CCDC102B: variants seen among roughly 807,000 people sequenced by gnomAD.
CCDC102B encodes coiled-coil domain-containing protein 102B.
In CCDC102B, 75 loss-of-function variants were observed where a neutral mutation model predicts 57.4. The observed-to-expected ratio is 1.31, with a 90% CI of 1.08 to 1.58. The LOEUF is 1.58. Among genes scored for constraint, CCDC102B ranks in the 40% most tolerant of loss-of-function variants. CCDC102B has a pLI of 0.00. For missense variants in CCDC102B, 636 were observed against 582.6 expected (o/e 1.09, Z -0.94); for synonymous variants, 206 against 201.9 (o/e 1.02, Z -0.17).
intron 2 of CCDC102B, among the ~76,000 whole-genome samples, chr18:68,768,953 A>G (rs1425656831): frequency 2.0e-5 from 3 of 152,064 alleles, no homozygotes; most frequent in African/African-American, 7.2e-5. Flanking sequence ...GGAAGGTGAA[A>G]TGTAAAGATG....
intron 6 of CCDC102B, among the ~76,000 whole-genome samples, chr18:68,915,952 A>C (rs1403951659): frequency 6.6e-6 from 1 of 152,186 alleles, no homozygotes; most frequent in Non-Finnish European, 1.5e-5. Flanking sequence ...TGTGGAATTG[A>C]AATATGTAAA....
chr18:68,827,081 A>G (rs538035060), intron 1 of CCDC102B, among the ~76,000 whole-genome samples: 9 of 152,252 alleles, frequency 5.9e-5, no homozygotes, highest in African/African-American at 2.2e-4. Flanking sequence ...TGGTAAAACT[A>G]TCCTTTGGGG....
chr18:69,005,432 GTAT>G (rs1055506921), intron 6 of CCDC102B, among the ~76,000 whole-genome samples: 10 of 151,948 alleles, frequency 6.6e-5, no homozygotes, highest in Non-Finnish European at 8.8e-5. Context: ...AAACTTCTAT[GTAT>G]TATTAAAAAA....
chr18:68,740,517 T>C (rs1462458172), intron 2 of CCDC102B, among the ~76,000 whole-genome samples: 1 of 152,218 alleles, frequency 6.6e-6, no homozygotes, highest in African/African-American at 2.4e-5. Context: ...AGATCATTCA[T>C]GTGATCTCTA....
intron 7 of CCDC102B, among the ~76,000 whole-genome samples, chr18:69,022,053 T>C (rs1421760727): frequency 2.6e-5 from 4 of 152,130 alleles, no homozygotes; most frequent in African/African-American, 9.7e-5. Flanking sequence ...TTCTGAGTTG[T>C]ATATGAGTAG....
intron 4 of CCDC102B, among the ~76,000 whole-genome samples, chr18:68,874,202 G>A (rs1404922014): frequency 3.4e-5 from 4 of 118,268 alleles, no homozygotes; most frequent in Middle Eastern, 4.2e-3. Flanking sequence ...GTGTGTGTGT[G>A]TGTGTGTGTG....
At chr18:68,935,938 C>A (rs913273029) in intron 6 of CCDC102B, among the ~76,000 whole-genome samples, 1 of 151,854 alleles carries the variant, frequency 6.6e-6, no homozygotes, top group Admixed American at 6.6e-5. Flanking sequence ...GCTTAGTGCT[C>A]CACATCTCAT....
chr18:68,925,727 G>T (rs1354098047), intron 6 of CCDC102B, among the ~76,000 whole-genome samples: 1 of 151,898 alleles, frequency 6.6e-6, no homozygotes, highest in Non-Finnish European at 1.5e-5. Context: ...GTTATTTTCA[G>T]CCAGTAGATG....
chr18:68,962,807 G>A (rs1006231263), intron 6 of CCDC102B, among the ~76,000 whole-genome samples: 6 of 151,942 alleles, frequency 3.9e-5, no homozygotes, highest in East Asian at 1.9e-4. Flanking sequence ...CCTATGTACT[G>A]TGGAAGTCTT....
At chr18:68,940,181 T>A (rs1335159062) in intron 6 of CCDC102B, among the ~76,000 whole-genome samples, 2 of 151,774 alleles carry the variant, frequency 1.3e-5, no homozygotes, top group Non-Finnish European at 3.0e-5. Flanking sequence ...CTAAAATGAG[T>A]CATAATTCTT....
intron 7 of CCDC102B, among the ~76,000 whole-genome samples, chr18:69,023,601 C>T (rs1471739324): frequency 6.6e-6 from 1 of 151,722 alleles, no homozygotes; most frequent in Non-Finnish European, 1.5e-5. Flanking sequence ...TTAAGCCTTA[C>T]CACAATCTTG....
intron 6 of CCDC102B, among the ~76,000 whole-genome samples, chr18:68,987,174 T>C (rs1646332544): frequency 6.6e-6 from 1 of 152,194 alleles, no homozygotes; most frequent in Non-Finnish European, 1.5e-5. Flanking sequence ...CAAACTATAC[T>C]ATAAGGCTAC....
intron 5 of CCDC102B, among the ~76,000 whole-genome samples, chr18:68,892,760 G>A (rs10503133): frequency 0.26 from 40,207 of 152,056 alleles, 6,263 homozygotes; most frequent in Non-Finnish European, 0.35. Flanking sequence ...AATAAGTCTA[G>A]CAAATAAATT....
chr18:68,718,975 C>T (rs912716915), intron 2 of CCDC102B, among the ~76,000 whole-genome samples: 5 of 151,994 alleles, frequency 3.3e-5, no homozygotes, highest in African/African-American at 7.3e-5. Context: ...ATACTAATTA[C>T]GTTAAAAATA....
rs111678808 is a variant in CCDC102B, at chr18:69,006,400, T to G, written c.1264-4534T>G. On this transcript the variant is annotated intron_variant, in intron 6 of 7. Transcript: ENST00000360242. ...AAAGGCCATAGCTTTGAGATTTATT[T>G]ATTTATTTATTTATTTATTTATTTA... Among the ~76,000 whole-genome samples the G allele has an allele frequency of 3.7e-3, 278 of 74,606 alleles. 1 individual carries two copies. The highest frequency in any genetic ancestry group is 0.024 in the Middle Eastern group (3 of 126). The allele number at this position is 74,606 out of a possible 152,430, so 48.9% of individuals were successfully genotyped here.
intron 7 of CCDC102B, among the ~76,000 whole-genome samples, chr18:69,016,762 A>T (rs1459281321): frequency 6.6e-6 from 1 of 151,996 alleles, no homozygotes; most frequent in African/African-American, 2.4e-5. Context: ...AGGTCATTGG[A>T]TTTTTTCCCA....
At chr18:68,736,578 G>T (rs548637247) in intron 2 of CCDC102B, among the ~76,000 whole-genome samples, 286 of 152,196 alleles carry the variant, frequency 1.9e-3, no homozygotes, top group Middle Eastern at 6.8e-3. Flanking sequence ...TGTTAGTTAT[G>T]TTTGTGCTGT....
At chr18:68,797,554 A>G (rs1046993466), upstream of CCDC102B, among the ~76,000 whole-genome samples, 1 of 152,030 alleles carries the variant, frequency 6.6e-6, no homozygotes, top group Admixed American at 6.6e-5. Flanking sequence ...ACAGCTCACA[A>G]TTCCTGCCAA....
intron 1 of CCDC102B, among the ~76,000 whole-genome samples, chr18:68,822,341 C>T (rs2036723052): frequency 1.3e-5 from 2 of 151,568 alleles, no homozygotes; most frequent in South Asian, 2.1e-4. Context: ...TTGCAGTGAG[C>T]TGAGATTGCA....
Sources: allele counts gnomAD v4.1 joint callset (sites outside exome capture counted in the v4.1 genomes callset), GRCh38; gene constraint gnomAD v4.1.1; transcripts MANE v1.5; gene names NCBI Gene and HGNC (gene_info 2026-07-23, HGNC 2026-07-21).